The following PPARGC1B variants were observed in gnomAD, a reference collection of about 807,000 sequenced individuals.
PPARGC1B encodes PPARG coactivator 1 beta.
A neutral mutation model predicts 101.6 loss-of-function variants in PPARGC1B; 34 were observed. The ratio of observed to expected loss-of-function variants is 0.33; its 90% CI spans 0.25 to 0.45. The LOEUF (loss-of-function observed/expected upper bound fraction) is 0.45, where lower values mean the gene tolerates loss of function less well. Ranked by LOEUF, PPARGC1B falls within the 20% of genes least tolerant of loss-of-function variation. PPARGC1B has a pLI of 1.00. For missense variants in PPARGC1B, 1,234 were observed against 1,317.6 expected (o/e 0.94, Z 0.98); for synonymous variants, 548 against 539.3 (o/e 1.02, Z -0.22).
At chr5:149,801,311 G>A (rs12521482) in intron 1 of PPARGC1B, among the ~76,000 whole-genome samples, 3,152 of 152,310 alleles carry the variant, frequency 0.021, 45 homozygotes, top group Middle Eastern at 0.041. Flanking sequence ...CCATGAGAGC[G>A]TGCAGAAAGG....
intron 1 of PPARGC1B, among the ~76,000 whole-genome samples, chr5:149,764,564 AG>A (rs1755834931): frequency 6.6e-6 from 1 of 152,228 alleles, no homozygotes; most frequent in African/African-American, 2.4e-5. Context: ...AATTTTACAG[AG>A]GAGGAAACTG....
At chr5:149,736,367 C>CTTT (rs78624741) in intron 1 of PPARGC1B, among the ~76,000 whole-genome samples, 8 of 143,180 alleles carry the variant, frequency 5.6e-5, no homozygotes, top group African/African-American at 2.0e-4. Flanking sequence ...TGCATGCAAT[C>CTTT]TTTTTTTTTT....
In PPARGC1B at chr5:149,853,744, T is replaced by G. The variant is rs1354797381; in HGVS notation, c.*6186T>G. 1 of 152,242 alleles carries G rather than the reference T, an allele frequency of 6.6e-6. No homozygotes were observed. Among genetic ancestry groups the G allele is most frequent in the Non-Finnish European group, 1.5e-5 (1 of 68,044 alleles). The allele number at this position is 152,242 out of a possible 1,614,324, so 9.4% of individuals were successfully genotyped here. On this transcript the variant is annotated 3_prime_UTR_variant, in exon 12 of 12. Coordinates refer to ENST00000309241, the MANE Select transcript of PPARGC1B (RefSeq NM_133263.4). This position sits in a 1 kb window ranked among gnomAD's most constrained non-coding sequence, Gnocchi z 4.2. ...ATAAACTATTCCCAACTTTGTTTCT[T>G]GAGGGATGTTCTGATTCCAATGGAA...
intron 1 of PPARGC1B, among the ~76,000 whole-genome samples, chr5:149,800,779 A>G (rs1757406148): frequency 6.6e-6 from 1 of 152,232 alleles, no homozygotes; most frequent in Admixed American, 6.5e-5. Context: ...GATTGATCTG[A>G]AGCTCAAAAT....
At chr5:149,820,671 T>C in intron 2 of PPARGC1B, 65 bp downstream of exon 2, 2 of 1,444,554 alleles carry the variant, frequency 1.4e-6, no homozygotes, top group Admixed American at 3.5e-5. Context: ...AAATCCCGGC[T>C]CTGCCCTGCT....
At chr5:149,820,058 T>C (rs1012298355) in intron 1 of PPARGC1B, among the ~76,000 whole-genome samples, 3 of 152,200 alleles carry the variant, frequency 2.0e-5, no homozygotes, top group African/African-American at 7.2e-5. Flanking sequence ...TATAGAGGCA[T>C]TGTTAGCTTT....
At chr5:149,774,236 T>C (rs1053742203) in intron 1 of PPARGC1B, among the ~76,000 whole-genome samples, 7 of 152,114 alleles carry the variant, frequency 4.6e-5, no homozygotes, top group Admixed American at 3.9e-4. Context: ...TCCCCCCTAG[T>C]GAGGGGACAC....
chr5:149,763,895 C>T lies in PPARGC1B; in HGVS notation c.78+33475C>T, dbSNP rs1384006759. ...GCCTCCTGGGCTAAAGGGATCCTCC[C>T]ACCTCAGCCTTCCAAGTAGCTGGGA... On this transcript the variant is annotated intron_variant, in intron 1 of 11. Coordinates refer to ENST00000309241, the MANE Select transcript of PPARGC1B (RefSeq NM_133263.4). 2.6e-5 allele frequency among the ~76,000 whole-genome samples: 4 copies of T among 152,014 alleles called. No individual in the cohort carries two copies. In the South Asian group the frequency reaches 8.3e-4, roughly 32 times the overall value.
Position 149,836,728 on chromosome 5 carries a change from A to T in PPARGC1B, c.2273A>T (p.His758Leu), listed in dbSNP as rs201700304. 1 of 1,613,670 alleles carries T rather than the reference A, an allele frequency of 6.2e-7. No homozygotes were observed. The highest frequency in any genetic ancestry group is 2.2e-5 in the East Asian group (1 of 44,878). ...PPKDSTLLRD[H>L]EIRASLTKHF... ...AAGGACAGCACGCTGCTGAGAGACC[A>T]TGAGATCCGTGCCAGCCTCACCAAA... The change falls in exon 8 of 12, where the codon CAT becomes CTT. Residue 758 changes from histidine (H) to leucine (L), a missense_variant. Physicochemically the swap from His to Leu is moderately conservative, Grantham distance 99. Coordinates refer to ENST00000309241, the MANE Select transcript of PPARGC1B (RefSeq NM_133263.4).
chr5:149,811,088 T>G (rs777075239), intron 1 of PPARGC1B, among the ~76,000 whole-genome samples: 35 of 152,198 alleles, frequency 2.3e-4, no homozygotes, highest in Non-Finnish European at 3.8e-4. Context: ...ATGCCTACGT[T>G]GTCTTTTAGC....
At chr5:149,745,682 T>A (rs1291285496) in intron 1 of PPARGC1B, among the ~76,000 whole-genome samples, 1 of 152,190 alleles carries the variant, frequency 6.6e-6, no homozygotes, top group Non-Finnish European at 1.5e-5. Flanking sequence ...CCATTTGATC[T>A]TCACATCAAT....
At chr5:149,814,000 G>T (rs187102834) in intron 1 of PPARGC1B, among the ~76,000 whole-genome samples, 15 of 152,320 alleles carry the variant, frequency 9.8e-5, no homozygotes, top group African/African-American at 3.6e-4. Context: ...CACCATGGGG[G>T]TAAGGATTTC....
At chr5:149,777,806 C>CACACAA (rs1756424210) in intron 1 of PPARGC1B, among the ~76,000 whole-genome samples, 2 of 142,398 alleles carry the variant, frequency 1.4e-5, no homozygotes, top group Admixed American at 6.9e-5. Flanking sequence ...CACACACACA[C>CACACAA]ACACACACAC....
intron 1 of PPARGC1B, among the ~76,000 whole-genome samples, chr5:149,799,693 G>GTTTTTTTTTGT (rs1757364305): frequency 1.3e-5 from 1 of 76,480 alleles, no homozygotes; most frequent in Non-Finnish European, 2.2e-5. Flanking sequence ...GCTTGTTGTT[G>GTTTTTTTTTGT]TTTTTTTTTT....
intron 1 of PPARGC1B, among the ~76,000 whole-genome samples, chr5:149,778,520 G>T (rs1288700462): frequency 6.6e-6 from 1 of 152,086 alleles, no homozygotes; most frequent in Non-Finnish European, 1.5e-5. Flanking sequence ...CCAGGTAGTG[G>T]CCACACAGTC....
chr5:149,765,818 G>A (rs551254297), intron 1 of PPARGC1B, among the ~76,000 whole-genome samples: 9 of 141,910 alleles, frequency 6.3e-5, no homozygotes, highest in Admixed American at 1.5e-4. Context: ...CTGAGATCGC[G>A]CCATTGCACT....
chr5:149,803,926 G>A (rs1757512123), intron 1 of PPARGC1B, among the ~76,000 whole-genome samples: 1 of 152,220 alleles, frequency 6.6e-6, no homozygotes, highest in African/African-American at 2.4e-5. Flanking sequence ...GGCCTCCTTG[G>A]CTTCCCTTGG....
chr5:149,783,333 T>C (rs1756663959), intron 1 of PPARGC1B, among the ~76,000 whole-genome samples: 1 of 152,240 alleles, frequency 6.6e-6, no homozygotes, highest in Non-Finnish European at 1.5e-5. Flanking sequence ...TCAAGTGACC[T>C]TAATGATGAC....
Position 149,829,316 on chromosome 5 carries a change from A to C in PPARGC1B, c.466-1451A>C, listed in dbSNP as rs182774980. On this transcript the variant is annotated intron_variant, in intron 3 of 11. Transcript: ENST00000309241. ...TCTCACAGTGCACCGGGCCTGAGCC[A>C]GGCTAGAATGAGGTCTCTTTCCCCC... Among the ~76,000 whole-genome samples, 457 of 152,326 alleles carry C rather than the reference A, an allele frequency of 3.0e-3. 3 individuals carry two copies. The highest frequency in any genetic ancestry group is 0.01 in the African/African-American group (434 of 41,592).
Sources: allele counts gnomAD v4.1 joint callset (sites outside exome capture counted in the v4.1 genomes callset), GRCh38; gene constraint gnomAD v4.1.1; non-coding constraint Gnocchi (gnomAD v3.1); transcripts MANE v1.5; gene names NCBI Gene and HGNC (gene_info 2026-07-23, HGNC 2026-07-21).